Variants in TNKS2 observed in about 807,000 individuals in gnomAD.
The protein encoded by TNKS2 is poly [ADP-ribose] polymerase tankyrase-2.
Under a neutral mutation model 137.6 loss-of-function variants are expected in TNKS2, and 72 were observed. The ratio of observed to expected loss-of-function variants is 0.52; its 90% CI spans 0.43 to 0.64. The LOEUF (loss-of-function observed/expected upper bound fraction) is 0.64, where lower values mean the gene tolerates loss of function less well. Among genes scored for constraint, TNKS2 ranks in the 30% least tolerant of loss-of-function variants. TNKS2 has a pLI of 0.00. For missense variants in TNKS2, 1,049 were observed against 1,410.2 expected, an observed-to-expected ratio of 0.74 and a Z score of 4.10; for synonymous variants, 516 against 512.1, an observed-to-expected ratio of 1.01 and a Z score of -0.10.
intron 3 of TNKS2, 87 bp from the exon 4 acceptor site, chr10:91,819,183 C>A: frequency 1.3e-6 from 1 of 755,934 alleles, no homozygotes; most frequent in Non-Finnish European, 2.0e-6. Flanking sequence ...AATTTATCTA[C>A]TTTATAATTC....
intron 25 of TNKS2, among the ~76,000 whole-genome samples, chr10:91,860,028 T>C (rs949594282): frequency 7.2e-5 from 11 of 152,202 alleles, no homozygotes; most frequent in Non-Finnish European, 1.5e-4. Context: ...TCTAATTATT[T>C]GATGGCAGTG....
chr10:91,862,386 T>G (rs7087365), intron 26 of TNKS2, among the ~76,000 whole-genome samples: 49,614 of 152,040 alleles, frequency 0.33, 8,622 homozygotes, highest in South Asian at 0.53. Flanking sequence ...ACTCTTACCA[T>G]TCTCTCCTTC....
chr10:91,802,215 AAG>A lies in TNKS2; in HGVS notation c.199+3329_199+3330del, dbSNP rs1286298766. Among the ~76,000 whole-genome samples, 14 of 152,228 alleles carry A rather than the reference AAG, an allele frequency of 9.2e-5. 1 individual carries two copies. The highest frequency in any genetic ancestry group is 1.9e-4 in the Non-Finnish European group (13 of 68,042). ...ATATTCAATTGTGTGAATCAAATAT[AAG>A]AGGGGATTTTTTTATTCAGAGGAGG... On this transcript the variant is annotated intron_variant, in intron 1 of 26. Coordinates refer to ENST00000371627, the MANE Select transcript of TNKS2 (RefSeq NM_025235.4).
At chr10:91,823,320 G>GTTTTTT (rs3043666) in intron 7 of TNKS2, among the ~76,000 whole-genome samples, 17 of 113,598 alleles carry the variant, frequency 1.5e-4, no homozygotes, top group Non-Finnish European at 2.3e-4. Flanking sequence ...TGGTTTTTTG[G>GTTTTTT]TTTTTTTTTT....
intron 13 of TNKS2, among the ~76,000 whole-genome samples, chr10:91,839,704 A>G (rs777352501): frequency 3.0e-4 from 45 of 152,194 alleles, no homozygotes; most frequent in Admixed American, 7.9e-4. Context: ...TTTAGGCTCC[A>G]CACCAGTTAC....
chr10:91,845,025 C>T lies in TNKS2; in HGVS notation c.2166C>T (p.Tyr722=), dbSNP rs376518462. The T allele has an allele frequency of 3.9e-5, 62 of 1,601,488 alleles. No homozygotes were observed. The highest frequency in any genetic ancestry group is 2.7e-4 in the East Asian group (12 of 44,712). ...TTCCTTTACATAATGCAGCATCTTA[C>T]GGGGTAAGTTCTTCCGTGTTACCTT... ...GLIPLHNAAS[Y]GHVDVAALLI... The change falls in exon 17 of 27, where the codon TAC becomes TAT. Residue 722 remains tyrosine (Y), a synonymous_variant. Coordinates refer to ENST00000371627, the MANE Select transcript of TNKS2 (RefSeq NM_025235.4).
chr10:91,829,306 G>A (rs797003587), intron 9 of TNKS2, among the ~76,000 whole-genome samples: 39 of 151,978 alleles, frequency 2.6e-4, no homozygotes, highest in African/African-American at 9.2e-4. Flanking sequence ...TAGCAAAGCT[G>A]TAGACTAATA....
intron 1 of TNKS2, among the ~76,000 whole-genome samples, chr10:91,810,292 C>A (rs1844454932): frequency 2.0e-5 from 3 of 151,692 alleles, no homozygotes; most frequent in South Asian, 2.1e-4. Flanking sequence ...GCAGGAGAAT[C>A]GCTTAAGCCT....
intron 13 of TNKS2, among the ~76,000 whole-genome samples, chr10:91,838,721 C>G (rs1350393555): frequency 2.0e-5 from 3 of 152,196 alleles, no homozygotes; most frequent in Admixed American, 1.3e-4. Context: ...CACAGAAGAG[C>G]TTTTTACCAG....
chr10:91,863,908 G>T lies in TNKS2; in HGVS notation c.*909G>T, dbSNP rs1031920261. 6.6e-6 allele frequency: 1 copy of T among 152,012 alleles called. No individual in the cohort carries two copies. Among genetic ancestry groups the T allele is most frequent in the African/African-American group, 2.4e-5 (1 of 41,374 alleles). The allele number at this position is 152,012 out of a possible 1,614,324, so 9.4% of individuals were successfully genotyped here. The stretch of plus-strand genomic sequence containing the variant: ...TGTTCTTTTCATGGAACATAAGTAG[G>T]ATGTTACATTTCCAGGGTGGGAAGG... On this transcript the variant is annotated 3_prime_UTR_variant, in exon 27 of 27. Transcript: ENST00000371627.
chr10:91,839,181 CT>C (rs1842131822), intron 13 of TNKS2, among the ~76,000 whole-genome samples: 1 of 151,820 alleles, frequency 6.6e-6, no homozygotes, highest in South Asian at 2.1e-4. Flanking sequence ...TAGATATATT[CT>C]TTTGACTCTT....
chr10:91,862,977 C>T lies in TNKS2; in HGVS notation c.3479C>T (p.Pro1160Leu). The T allele has an allele frequency of 6.2e-7, 1 of 1,606,466 alleles. No individual in the cohort carries two copies. The highest frequency in any genetic ancestry group is 8.5e-7 in the Non-Finnish European group (1 of 1,174,972). Reference sequence around the variant, plus strand: ...TTAATTACTTACCAGATTATGAGGCCTGAAGGTATGGTCGATGGATAAATA... The same window carrying T: ...TTAATTACTTACCAGATTATGAGGCTTGAAGGTATGGTCGATGGATAAATA... ...EYLITYQIMR[P>L]EGMVDG Residue 1160 changes from proline (P) to leucine (L), a missense_variant, in exon 27 of 27, where the codon CCT (proline) becomes CTT (leucine). Coordinates refer to ENST00000371627, the MANE Select transcript of TNKS2 (RefSeq NM_025235.4).
At chr10:91,846,126 G>T (rs2133661587) in intron 18 of TNKS2, among the ~76,000 whole-genome samples, 186 bp downstream of exon 18, 1 of 152,200 alleles carries the variant, frequency 6.6e-6, no homozygotes, top group South Asian at 2.1e-4. Flanking sequence ...TTATCCTTCT[G>T]TAGAATAGAA....
At chr10:91,860,692 G>A (rs902301131) in intron 25 of TNKS2, among the ~76,000 whole-genome samples, 3 of 152,162 alleles carry the variant, frequency 2.0e-5, no homozygotes, top group East Asian at 1.9e-4. Context: ...AAGGGCTTCC[G>A]AGCTGAAGAA....
chr10:91,810,628 A>C (rs978319434), intron 1 of TNKS2, among the ~76,000 whole-genome samples: 8 of 150,384 alleles, frequency 5.3e-5, no homozygotes, highest in African/African-American at 2.0e-4. Context: ...TCAACCACCC[A>C]AGTAGCTGGG....
intron 9 of TNKS2, among the ~76,000 whole-genome samples, chr10:91,830,420 G>A (rs1292845518): frequency 2.0e-5 from 3 of 152,104 alleles, no homozygotes; most frequent in Non-Finnish European, 4.4e-5. Context: ...GTTTCACCAT[G>A]TTGGCCAGGC....
chr10:91,807,545 T>A, intron 1 of TNKS2: 1 of 1,039,768 alleles, frequency 9.6e-7, no homozygotes, highest in Non-Finnish European at 1.5e-6. Context: ...GCAATGCCAT[T>A]CTTTCTTAGC....
chr10:91,849,603 A>G lies in TNKS2; in HGVS notation c.2694+9A>G, dbSNP rs770450252. 2 of 1,587,272 alleles carry G rather than the reference A, an allele frequency of 1.3e-6. No homozygotes were observed. Among genetic ancestry groups the G allele is most frequent in the South Asian group, 2.3e-5 (2 of 86,056 alleles). On this transcript the variant is annotated intron_variant, in intron 20 of 26. Transcript: ENST00000371627. ...TATTTGAGAGAGAACAGGTGAGTAGATAAATCATATTGTTTGGATTAGTGT... is the reference window on the plus strand; with the variant it reads ...TATTTGAGAGAGAACAGGTGAGTAGGTAAATCATATTGTTTGGATTAGTGT...
At chr10:91,847,151 T>C (rs1842398120) in intron 18 of TNKS2, among the ~76,000 whole-genome samples, 1 of 152,138 alleles carries the variant, frequency 6.6e-6, no homozygotes, top group African/African-American at 2.4e-5. Flanking sequence ...CATTTACAAA[T>C]TGTGAGTGCA....
Sources: gnomAD v4.1 joint callset for allele counts (sites outside exome capture counted in the v4.1 genomes callset) on GRCh38, gnomAD v4.1.1 for gene constraint, MANE v1.5 for transcripts, NCBI Gene and HGNC (gene_info 2026-07-23, HGNC 2026-07-21) for gene names.